PFKM: variants seen among roughly 807,000 people sequenced by gnomAD.
The protein encoded by PFKM is ATP-dependent 6-phosphofructokinase, muscle type.
PFKM carries 58 observed loss-of-function variants against 95.5 expected under a neutral mutation model. The observed-to-expected ratio is 0.61, with a 90% CI of 0.49 to 0.76. PFKM has a LOEUF of 0.76. PFKM is among the 30% of genes least tolerant of loss of function. PFKM has a pLI of 0.00. For synonymous variants in PFKM, 336 were observed against 357.2 expected, an observed-to-expected ratio of 0.94 and a Z score of 0.67; for missense variants, 678 against 1,005.4, an observed-to-expected ratio of 0.67 and a Z score of 4.40.
intron 1 of PFKM, among the ~76,000 whole-genome samples, chr12:48,120,802 G>A (rs1241009322): frequency 6.6e-6 from 1 of 152,176 alleles, no homozygotes; most frequent in Non-Finnish European, 1.5e-5. Context: ...GCTGTTGTAT[G>A]CTGACCCCTG....
intron 6 of PFKM, 90 bp from the exon 7 acceptor site, chr12:48,134,142 C>G (rs1949813316): frequency 1.9e-6 from 2 of 1,047,442 alleles, no homozygotes; most frequent in African/African-American, 1.6e-5. Flanking sequence ...ACATGTATCT[C>G]CCAGAGAGGG....
At chr12:48,108,244 G>A (rs1946881158) in intron 3 of PFKM, 2 of 1,566,208 alleles carry the variant, frequency 1.3e-6, no homozygotes, top group Non-Finnish European at 1.7e-6. Flanking sequence ...ATATGGGAAA[G>A]TGAAAGTTGT....
chr12:48,118,452 A>T, upstream of PFKM: 3 of 1,109,198 alleles, frequency 2.7e-6, no homozygotes, highest in Non-Finnish European at 4.0e-6. Context: ...TTTATCTCCT[A>T]GTCACTTGCA....
chr12:48,129,962 A>T (rs973052977), intron 2 of PFKM, among the ~76,000 whole-genome samples: 2 of 152,224 alleles, frequency 1.3e-5, no homozygotes, highest in African/African-American at 4.8e-5. Context: ...CCAAATCTTT[A>T]AAATGGAGAC....
At chr12:48,141,574 G>A in intron 15 of PFKM, 166 bp from the exon 16 acceptor site, 1 of 736,792 alleles carries the variant, frequency 1.4e-6, no homozygotes, top group Non-Finnish European at 2.4e-6. Context: ...TAGAGCTCCA[G>A]TATGTATCCT....
chr12:48,112,179 A>G (rs547099057), intron 3 of PFKM, among the ~76,000 whole-genome samples: 1 of 152,270 alleles, frequency 6.6e-6, no homozygotes, highest in Admixed American at 6.5e-5. Flanking sequence ...GGCAGCTTCT[A>G]GGGCTGTCTT....
At position 48,130,410 on chromosome 12, in the gene PFKM, G is replaced by A. The variant is rs569646523; in HGVS notation, c.133G>A (p.Gly45Ser). The change falls in exon 3 of 23, where the codon GGT (glycine) becomes AGT (serine). Residue 45 changes from glycine to serine, a missense_variant. Coordinates refer to ENST00000359794, the MANE Select transcript of PFKM (RefSeq NM_000289.6). The stretch of plus-strand genomic sequence containing the variant: ...TGTGGTTCGAGTTGGTATCTTCACC[G>A]GTGCCCGTGTCTTCTTTGTCCATGA... The part of the protein sequence containing the change: ...RAVVRVGIFT[G>S]ARVFFVHEGY... 3.7e-5 allele frequency: 59 copies of A among 1,613,270 alleles called. No individual in the cohort carries two copies. The highest frequency in any genetic ancestry group is 4.6e-5 in the Non-Finnish European group (54 of 1,179,248).
chr12:48,111,414 C>T (rs112792150), intron 3 of PFKM, among the ~76,000 whole-genome samples: 3,032 of 151,794 alleles, frequency 0.02, 82 homozygotes, highest in African/African-American at 0.05. Flanking sequence ...AGGACCTTTG[C>T]GTAGCGAGGA....
chr12:48,144,189 C>T, intron 20 of PFKM, 32 bp downstream of exon 20: 7 of 1,414,302 alleles, frequency 4.9e-6, no homozygotes, highest in Non-Finnish European at 6.0e-6. Flanking sequence ...TGCCCTTCAT[C>T]AGACAGCCAT....
intron 10 of PFKM, among the ~76,000 whole-genome samples, chr12:48,136,619 G>A (rs1592754775): frequency 6.7e-6 from 1 of 148,316 alleles, no homozygotes; most frequent in African/African-American, 2.5e-5. Context: ...TTCCAGAATA[G>A]CTGTACCATT....
At chr12:48,141,005 A>G in intron 14 of PFKM, 134 bp downstream of exon 14, 1 of 911,254 alleles carries the variant, frequency 1.1e-6, no homozygotes, top group South Asian at 1.5e-5. Context: ...GCAGAAGTAG[A>G]TATTTAATAC....
rs1471287008 is a variant in PFKM at position 48,137,048 on chromosome 12, C to T, written c.937-673C>T. On this transcript the variant is annotated intron_variant, in intron 10 of 22. Transcript: ENST00000359794. ...GGATTACTGGCGTAAGCTACTGGGC[C>T]CAGCCTTTTTTTTTTTCTTTTTTTT... 7.3e-5 allele frequency among the ~76,000 whole-genome samples: 11 copies of T among 149,660 alleles called. 1 individual carries two copies. The highest frequency in any genetic ancestry group is 3.3e-4 in the Admixed American group (5 of 15,020).
Position 48,140,844 on chromosome 12 carries a change from T to C in PFKM, c.1314T>C (p.Asp438=). The C allele has an allele frequency of 1.9e-6, 3 of 1,614,166 alleles. No individual in the cohort carries two copies. Among genetic ancestry groups the C allele is most frequent in the Non-Finnish European group, 2.5e-6 (3 of 1,180,032 alleles). Residue 438 remains aspartate (D), a synonymous_variant, in exon 14 of 23, where the codon GAT becomes GAC. Transcript: ENST00000359794. ...GCAACCGAGTGCTCGTTGTCCATGATGGTTTCGAGGGCCTGGCCAAGGGGC... is the reference window on the plus strand; with the variant it reads ...GCAACCGAGTGCTCGTTGTCCATGACGGTTTCGAGGGCCTGGCCAAGGGGC... ...IQGNRVLVVH[D]GFEGLAKGQI...
chr12:48,145,249 T>TG lies in PFKM; in HGVS notation c.2136dup (p.Met713AspfsTer3). ...AATACTCCAGATTCGGGCTGTGTTCTGGGGATGCGTAAGAGGGCTCTGGTC... is the reference window on the plus strand; with the variant it reads ...AATACTCCAGATTCGGGCTGTGTTCTGGGGGATGCGTAAGAGGGCTCTGGTC... On this transcript the variant is annotated frameshift_variant, in exon 22 of 23. Transcript: ENST00000359794. LOFTEE classifies it high-confidence loss of function. This position sits in a 1 kb window ranked among gnomAD's most constrained non-coding sequence, Gnocchi z 4.3. 3 of 1,614,180 alleles carry TG rather than the reference T, an allele frequency of 1.9e-6. No homozygotes were observed. Among genetic ancestry groups the TG allele is most frequent in the Non-Finnish European group, 1.7e-6 (2 of 1,180,028 alleles).
At chr12:48,136,692 C>CTTTTTTTTTTTTTTTTTTT (rs1166389532) in intron 10 of PFKM, among the ~76,000 whole-genome samples, 1 of 63,022 alleles carries the variant, frequency 1.6e-5, no homozygotes, top group Non-Finnish European at 2.9e-5. Flanking sequence ...GGGGTCGTCA[C>CTTTTTTTTTTTTTTTTTTT]TTTTTTTTTT....
intron 3 of PFKM, among the ~76,000 whole-genome samples, chr12:48,114,069 C>T (rs187777455): frequency 2.0e-5 from 3 of 152,260 alleles, no homozygotes; most frequent in East Asian, 3.9e-4. Context: ...TCTGGGGAAT[C>T]GGCCGGATAG....
At chr12:48,143,601 C>T (rs933327391) in intron 18 of PFKM, 152 bp from the exon 19 acceptor site, 7 of 698,446 alleles carry the variant, frequency 1.0e-5, no homozygotes, top group South Asian at 4.8e-5. Flanking sequence ...CACTGAGCTT[C>T]TTACAGGAAT....
At chr12:48,106,455 C>T (rs1448531144) in intron 1 of PFKM, 4 of 381,154 alleles carry the variant, frequency 1.0e-5, no homozygotes, top group East Asian at 1.2e-4. Context: ...CTGCGGAAAC[C>T]TGTGGCTTCC....
upstream of PFKM, among the ~76,000 whole-genome samples, chr12:48,116,560 G>A (rs760763142): frequency 1.3e-5 from 2 of 152,126 alleles, no homozygotes; most frequent in Non-Finnish European, 2.9e-5. Flanking sequence ...CTCACTGCAA[G>A]CTCTGCCTCC....
Sources: gnomAD v4.1 joint callset for allele counts (sites outside exome capture counted in the v4.1 genomes callset) on GRCh38, gnomAD v4.1.1 for gene constraint, Gnocchi (gnomAD v3.1) non-coding constraint, MANE v1.5 for transcripts, NCBI Gene and HGNC (gene_info 2026-07-23, HGNC 2026-07-21) for gene names.